CTNND2: variants seen among roughly 807,000 people sequenced by gnomAD.
CTNND2 encodes the protein catenin delta 2.
A neutral mutation model predicts 144.4 loss-of-function variants in CTNND2; 22 were observed. The ratio of observed to expected loss-of-function variants is 0.15; its 90% CI spans 0.11 to 0.22. The LOEUF is 0.22. Ranked by LOEUF, CTNND2 falls within the 10% of genes least tolerant of loss-of-function variation. The probability of loss-of-function intolerance (pLI) is 1.00; values close to 1 mark genes in which losing one functional copy is unlikely to be tolerated. For synonymous variants in CTNND2, 751 were observed against 695.6 expected, an observed-to-expected ratio of 1.08 and a Z score of -1.25; for missense variants, 1,353 against 1,618.8, an observed-to-expected ratio of 0.84 and a Z score of 2.82.
intron 2 of CTNND2, among the ~76,000 whole-genome samples, chr5:11,602,951 C>A (rs1053194350): frequency 4.0e-5 from 6 of 151,504 alleles, no homozygotes; most frequent in Non-Finnish European, 7.4e-5. Flanking sequence ...AAATCCAGCA[C>A]ATTACAACAT....
Position 11,481,433 on chromosome 5 carries a change from G to A in CTNND2, c.288-69364C>T, listed in dbSNP as rs200086773. Among the ~76,000 whole-genome samples, 32 of 152,152 alleles carry A rather than the reference G, an allele frequency of 2.1e-4. No individual in the cohort carries two copies. In the East Asian group the frequency reaches 5.8e-3, roughly 28 times the overall value. On this transcript the variant is annotated intron_variant, in intron 3 of 21. Coordinates refer to ENST00000304623, the MANE Select transcript of CTNND2 (RefSeq NM_001332.4). ...GAGAACTCAGCCTGGGCAACATGGC[G>A]AAATCTGTCTCTACAAAAAATTAGC...
chr5:11,721,526 T>G (rs1326942446), intron 2 of CTNND2, among the ~76,000 whole-genome samples: 2 of 152,228 alleles, frequency 1.3e-5, no homozygotes, highest in Non-Finnish European at 2.9e-5. Flanking sequence ...ATTTACTGAC[T>G]TGAAATTACA....
chr5:11,128,828 ATAT>A (rs1352926709), intron 12 of CTNND2, among the ~76,000 whole-genome samples: 2 of 70,588 alleles, frequency 2.8e-5, no homozygotes, highest in African/African-American at 5.0e-5. Context: ...TATATATTAT[ATAT>A]TATATTAAGT....
At chr5:11,631,380 CT>C (rs1325238513) in intron 2 of CTNND2, among the ~76,000 whole-genome samples, 1 of 152,162 alleles carries the variant, frequency 6.6e-6, no homozygotes, top group Non-Finnish European at 1.5e-5. Context: ...TATACACACA[CT>C]TTACTACTAT....
chr5:11,864,894 T>C (rs889030904), intron 1 of CTNND2, among the ~76,000 whole-genome samples: 1 of 136,870 alleles, frequency 7.3e-6, no homozygotes, highest in Non-Finnish European at 1.6e-5. Context: ...TTTTTTTTTT[T>C]TTTTTTTTTT....
At chr5:10,976,586 G>A (rs990650336) in intron 21 of CTNND2, among the ~76,000 whole-genome samples, 1 of 152,210 alleles carries the variant, frequency 6.6e-6, no homozygotes, top group Admixed American at 6.5e-5. Context: ...GGGTCAATAT[G>A]CTCACGCTCT....
chr5:11,557,714 C>T (rs1194184563), intron 3 of CTNND2, among the ~76,000 whole-genome samples: 2 of 152,094 alleles, frequency 1.3e-5, no homozygotes, highest in South Asian at 2.1e-4. Context: ...GAGAGTGAGG[C>T]CCCTTCATAT....
At chr5:11,401,596 T>G (rs897720203) in intron 5 of CTNND2, among the ~76,000 whole-genome samples, 1 of 152,152 alleles carries the variant, frequency 6.6e-6, no homozygotes, top group Non-Finnish European at 1.5e-5. Flanking sequence ...TAATGACCAG[T>G]TAACCTTTTT....
chr5:11,256,940 C>G (rs1422833349), intron 9 of CTNND2, among the ~76,000 whole-genome samples: 1 of 152,116 alleles, frequency 6.6e-6, no homozygotes, highest in Non-Finnish European at 1.5e-5. Context: ...CTAATAGCAC[C>G]CTTTTCCCCC....
In CTNND2 at chr5:11,146,977, G is replaced by A. The variant is rs193195813; in HGVS notation, c.2159+12599C>T. Among the ~76,000 whole-genome samples the A allele has an allele frequency of 2.0e-5, 3 of 152,278 alleles. No individual in the cohort carries two copies. In the East Asian group the frequency reaches 5.8e-4, roughly 29 times the overall value. On this transcript the variant is annotated intron_variant, in intron 12 of 21. Transcript: ENST00000304623. ...AACCAGGAGAGTGAAAAGTTTCCTTGCTTGGTGCTGATTAGTACAGGACAG... is the reference window on the plus strand; with the variant it reads ...AACCAGGAGAGTGAAAAGTTTCCTTACTTGGTGCTGATTAGTACAGGACAG...
rs779314911 is a variant in CTNND2 at position 11,641,708 on chromosome 5, G to A, written c.175-76652C>T. Among the ~76,000 whole-genome samples, 20 of 121,528 alleles carry A rather than the reference G, an allele frequency of 1.6e-4. 1 individual carries two copies. The highest frequency in any genetic ancestry group is 6.6e-4 in the East Asian group (3 of 4,530). The allele number at this position is 121,528 out of a possible 152,430, so 79.7% of individuals were successfully genotyped here. A position where few individuals can be genotyped will look rare whatever the true frequency, so the allele number is the denominator to read the frequency against. ...TATACGTGTGTGTATATACATATAC[G>A]TGTGTGTATACATATACGTGTGTGT... On this transcript the variant is annotated intron_variant, in intron 2 of 21. Coordinates refer to ENST00000304623, the MANE Select transcript of CTNND2 (RefSeq NM_001332.4).
intron 18 of CTNND2, among the ~76,000 whole-genome samples, chr5:11,008,442 GAGA>G (rs1212248660): frequency 1.3e-5 from 2 of 152,208 alleles, no homozygotes; most frequent in Non-Finnish European, 2.9e-5. Context: ...TCTGATGGTG[GAGA>G]AGGAGGCCAC....
rs1010431620 is a variant in CTNND2, at chr5:11,141,817, G to A, written c.2159+17759C>T. On this transcript the variant is annotated intron_variant, in intron 12 of 21. Coordinates refer to ENST00000304623, the MANE Select transcript of CTNND2 (RefSeq NM_001332.4). ...ATTTCTTTGCCTGTTGCTATAGTTT[G>A]AAGGTGTTCTCCAAATTCATGTGTT... Among the ~76,000 whole-genome samples, 7 of 152,208 alleles carry A rather than the reference G, an allele frequency of 4.6e-5. No individual in the cohort carries two copies. The East Asian group carries it at 5.8e-4, about 13-fold the overall frequency.
At chr5:11,846,385 T>C (rs1348854170) in intron 1 of CTNND2, among the ~76,000 whole-genome samples, 1 of 152,052 alleles carries the variant, frequency 6.6e-6, no homozygotes, top group East Asian at 1.9e-4. Flanking sequence ...TAACTGTATA[T>C]CCACATATAG....
intron 1 of CTNND2, among the ~76,000 whole-genome samples, chr5:11,874,828 A>G (rs963911545): frequency 3.9e-5 from 6 of 152,216 alleles, no homozygotes; most frequent in African/African-American, 1.4e-4. Flanking sequence ...CACGAAATTG[A>G]TACCACAATC....
At chr5:11,413,334 G>A (rs1393462441) in intron 3 of CTNND2, among the ~76,000 whole-genome samples, 3 of 151,998 alleles carry the variant, frequency 2.0e-5, no homozygotes, top group African/African-American at 7.2e-5. Flanking sequence ...AAATTAACAG[G>A]TTCACTTAGT....
At chr5:11,283,446 C>A in intron 9 of CTNND2, among the ~76,000 whole-genome samples, 1 of 151,572 alleles carries the variant, frequency 6.6e-6, no homozygotes, top group East Asian at 1.9e-4. Flanking sequence ...GAGGCCAAGG[C>A]GGGCAGATCA....
chr5:11,432,127 T>TTTCA (rs1763354754), intron 3 of CTNND2, among the ~76,000 whole-genome samples: 1 of 150,284 alleles, frequency 6.7e-6, no homozygotes, highest in African/African-American at 2.5e-5. Flanking sequence ...GAGGCTTTTT[T>TTTCA]TTTTTTTTTT....
At chr5:11,539,707 C>T (rs1774552305) in intron 3 of CTNND2, among the ~76,000 whole-genome samples, 1 of 152,172 alleles carries the variant, frequency 6.6e-6, no homozygotes, top group Non-Finnish European at 1.5e-5. Flanking sequence ...ATGGCACTGC[C>T]ACATGCTTGT....
Sources: gnomAD v4.1 joint callset for allele counts (sites outside exome capture counted in the v4.1 genomes callset) on GRCh38, gnomAD v4.1.1 for gene constraint, MANE v1.5 for transcripts, NCBI Gene and HGNC (gene_info 2026-07-23, HGNC 2026-07-21) for gene names.